Variants in ARVCF observed in about 807,000 individuals in gnomAD.
ARVCF encodes the protein ARVCF delta catenin family member, also known as splicing regulator ARVCF.
ARVCF carries 66 observed loss-of-function variants against 90.9 expected under a neutral mutation model. The ratio of observed to expected loss-of-function variants is 0.73; its 90% CI spans 0.60 to 0.89. ARVCF has a LOEUF of 0.89. Ranked by LOEUF, ARVCF falls within the 40% of genes least tolerant of loss-of-function variation. ARVCF has a pLI of 0.00. For synonymous variants in ARVCF, 653 were observed against 603.4 expected, an observed-to-expected ratio of 1.08 and a Z score of -1.21; for missense variants, 1,469 against 1,382.3, an observed-to-expected ratio of 1.06 and a Z score of -1.00.
intron 4 of ARVCF, 53 bp from the exon 5 acceptor site, chr22:19,981,790 C>T (rs1943520324): frequency 1.3e-6 from 2 of 1,549,636 alleles, no homozygotes; most frequent in Non-Finnish European, 1.7e-6. Flanking sequence ...CTAGAAACTG[C>T]TTTGCTGGGG....
Position 19,975,751 on chromosome 22 carries a change from T to C in ARVCF, c.1895A>G (p.Lys632Arg). ...AAAGTTCCGGTCCATCTCACCATCC[T>C]TCTTTCCTGGAAGGGAAAGGTGGTG... Reference protein sequence around the residue: ...AKEEWFHQGKKDGEMDRNFDT... With the variant: ...AKEEWFHQGKRDGEMDRNFDT... Residue 632 changes from lysine (K) to arginine (R), a missense_variant, in exon 11 of 20, where the codon AAG (lysine) becomes AGG (arginine). Coordinates refer to ENST00000263207, the MANE Select transcript of ARVCF (RefSeq NM_001670.3). 6.2e-7 allele frequency: 1 copy of C among 1,613,562 alleles called. No homozygotes were observed. The highest frequency in any genetic ancestry group is 8.5e-7 in the Non-Finnish European group (1 of 1,179,948).
chr22:19,973,652 C>A lies in ARVCF; in HGVS notation c.2230G>T (p.Asp744Tyr). 6.2e-7 allele frequency: 1 copy of A among 1,608,144 alleles called. No individual in the cohort carries two copies. Among genetic ancestry groups the A allele is most frequent in the Non-Finnish European group, 8.5e-7 (1 of 1,178,022 alleles). The change falls in exon 13 of 20, where the codon GAC (aspartate) becomes TAC (tyrosine). Residue 744 changes from aspartate to tyrosine, a missense_variant. Asp to Tyr is a radical substitution (Grantham distance 160). Transcript: ENST00000263207. Reference sequence around the variant, plus strand: ...TTGCAGGCGTCCTCACCGATGAGGTCTTTGTTGCGCCGGTCCAGCGAGAGG... The same window carrying A: ...TTGCAGGCGTCCTCACCGATGAGGTATTTGTTGCGCCGGTCCAGCGAGAGG... The part of the protein sequence containing the change: ...RNLSLDRRNK[D>Y]LIGSYAMAEL...
intron 2 of ARVCF, among the ~76,000 whole-genome samples, chr22:20,001,632 C>A (rs1944449544): frequency 6.6e-6 from 1 of 152,070 alleles, no homozygotes; most frequent in African/African-American, 2.4e-5. Context: ...GGAGAAACCC[C>A]ATCTCTACTA....
At chr22:20,011,363 T>C (rs1346181801) in intron 1 of ARVCF, among the ~76,000 whole-genome samples, 1 of 152,162 alleles carries the variant, frequency 6.6e-6, no homozygotes, top group Non-Finnish European at 1.5e-5. Context: ...GGAGGCTGTC[T>C]CTGGGGGACA....
downstream of ARVCF, among the ~76,000 whole-genome samples, chr22:19,966,152 G>A (rs1465573854): frequency 6.6e-6 from 1 of 152,224 alleles, no homozygotes; most frequent in African/African-American, 2.4e-5. Context: ...GTCATGAAGT[G>A]GGAAGTCATG....
In ARVCF at chr22:19,974,198, G is replaced by A. The variant is rs202240748; in HGVS notation, c.2002C>T (p.Leu668Phe). ...LYQPEVVRLY[L>F]SLLTESRNFN... The stretch of plus-strand genomic sequence containing the variant: ...TTCCGGCTCTCCGTGAGGAGGGAGA[G>A]GTAGAGACGTACCACCTCGGGCTGG... Residue 668 changes from leucine to phenylalanine, a missense_variant, in exon 12 of 20, where the codon CTC (leucine) becomes TTC (phenylalanine). Physicochemically the swap from Leu to Phe is conservative, Grantham distance 22. Coordinates refer to ENST00000263207, the MANE Select transcript of ARVCF (RefSeq NM_001670.3). 2.5e-6 allele frequency: 4 copies of A among 1,612,706 alleles called. No homozygotes were observed. Among genetic ancestry groups the A allele is most frequent in the African/African-American group, 1.3e-5 (1 of 75,016 alleles).
chr22:19,982,255 G>A (rs1279635239), intron 3 of ARVCF, among the ~76,000 whole-genome samples, 164 bp from the exon 4 acceptor site: 1 of 152,198 alleles, frequency 6.6e-6, no homozygotes, highest in Non-Finnish European at 1.5e-5. Flanking sequence ...TTCGGCCCAA[G>A]CTGACAAGGA....
chr22:19,982,104 G>A lies in ARVCF; in HGVS notation c.211-13C>T, dbSNP rs773133308. On this transcript the variant is annotated splice_polypyrimidine_tract_variant and intron_variant, in intron 3 of 19. Transcript: ENST00000263207. ...CTGGGCTCTGCTCCTGGGGCAAGGA[G>A]GGACATTGGTGGGCAGGCCTGCTGC... 6.2e-7 allele frequency: 1 copy of A among 1,609,354 alleles called. No individual in the cohort carries two copies. The highest frequency in any genetic ancestry group is 1.7e-5 in the Admixed American group (1 of 59,978).
At chr22:19,965,181 G>C (rs556686767), downstream of ARVCF, 85 of 155,022 alleles carry the variant, frequency 5.5e-4, no homozygotes, top group Non-Finnish European at 1.0e-3. Flanking sequence ...GGGAGTCAGG[G>C]CACACAGGAC....
intron 2 of ARVCF, among the ~76,000 whole-genome samples, chr22:19,991,029 C>A (rs921030615): frequency 1.3e-5 from 2 of 152,396 alleles, no homozygotes; most frequent in Middle Eastern, 3.4e-3. Flanking sequence ...TTTTGGGACT[C>A]TAACCTGGCT....
At chr22:20,012,468 T>C (rs1003782914) in intron 1 of ARVCF, among the ~76,000 whole-genome samples, 2 of 152,208 alleles carry the variant, frequency 1.3e-5, no homozygotes, top group African/African-American at 4.8e-5. Context: ...GAACTAGTGA[T>C]AGGATCATAT....
At chr22:20,007,245 T>A (rs561662317) in intron 2 of ARVCF, among the ~76,000 whole-genome samples, 20 of 151,252 alleles carry the variant, frequency 1.3e-4, no homozygotes, top group African/African-American at 2.2e-4. Context: ...AAAAAAAAAA[T>A]TTAAAAATTA....
In ARVCF at chr22:20,016,693, T is replaced by TGCGGC. The variant is rs551721384; in HGVS notation, c.-182_-178dup. ...GCGGCGTTCCCAGGGCGCGGCGCGG[T>TGCGGC]GCGGCGCGGCGCGGGTCGCAGTCCA... On this transcript the variant is annotated 5_prime_UTR_variant, in exon 1 of 20. Transcript: ENST00000263207. 2.0e-5 allele frequency: 3 copies of TGCGGC among 149,936 alleles called. No homozygotes were observed. The highest frequency in any genetic ancestry group is 3.0e-5 in the Non-Finnish European group (2 of 67,348). 9.3% of individuals were successfully genotyped at this position (149,936 alleles called of 1,614,324 possible).
intron 2 of ARVCF, among the ~76,000 whole-genome samples, chr22:20,003,867 G>T (rs1273819829): frequency 1.3e-5 from 1 of 77,614 alleles, no homozygotes; most frequent in African/African-American, 1.0e-4. Context: ...GTTTTAGACA[G>T]AGTAATTAGG....
intron 6 of ARVCF, 21 bp downstream of exon 6, chr22:19,979,722 G>T: frequency 6.3e-7 from 1 of 1,577,312 alleles, no homozygotes; most frequent in Non-Finnish European, 8.6e-7. Flanking sequence ...GGGGATGTGA[G>T]CATGGCCAGG....
At chr22:20,010,237 C>T (rs991714100) in intron 2 of ARVCF, among the ~76,000 whole-genome samples, 25 of 152,216 alleles carry the variant, frequency 1.6e-4, no homozygotes, top group Non-Finnish European at 1.5e-4. Context: ...TGGCTGCTGC[C>T]CATATTCAGG....
intron 3 of ARVCF, among the ~76,000 whole-genome samples, chr22:19,983,041 C>G (rs1943588078): frequency 6.6e-6 from 1 of 152,232 alleles, no homozygotes; most frequent in Non-Finnish European, 1.5e-5. Context: ...CCCTGCCGCG[C>G]TGAGTGGCTT....
At chr22:19,973,370 A>C in intron 13 of ARVCF, 53 bp from the exon 14 acceptor site, 1 of 1,527,512 alleles carries the variant, frequency 6.5e-7, no homozygotes, top group Non-Finnish European at 8.8e-7. Context: ...CTCTCCAGGA[A>C]GGAGCAGGGA....
At chr22:19,967,899 G>A (rs1373546655), downstream of ARVCF, among the ~76,000 whole-genome samples, 1 of 152,236 alleles carries the variant, frequency 6.6e-6, no homozygotes, top group Non-Finnish European at 1.5e-5. Context: ...TGGACCCCAC[G>A]GGCCATGCCC....
Sources: allele counts gnomAD v4.1 joint callset (sites outside exome capture counted in the v4.1 genomes callset), GRCh38; gene constraint gnomAD v4.1.1; transcripts MANE v1.5; gene names NCBI Gene and HGNC (gene_info 2026-07-23, HGNC 2026-07-21).